Variants in PRELID2 observed in about 807,000 individuals in gnomAD.
The protein encoded by PRELID2 is PRELI domain-containing protein 2.
Under a neutral mutation model 28.4 loss-of-function variants are expected in PRELID2, and 25 were observed. The ratio of observed to expected loss-of-function variants is 0.88; its 90% confidence interval spans 0.64 to 1.23. The LOEUF (loss-of-function observed/expected upper bound fraction) is 1.23, where lower values mean the gene tolerates loss of function less well. Among genes scored for constraint, PRELID2 ranks in the 50% most tolerant of loss-of-function variants. The pLI is 0.00. For synonymous variants in PRELID2, 76 were observed against 71.6 expected (o/e 1.06, Z -0.31); for missense variants, 201 against 214.4 (o/e 0.94, Z 0.39).
At chr5:145,250,402 G>A in the PRELID2 span, among the ~76,000 whole-genome samples, 1 of 152,144 alleles carries the variant, frequency 6.6e-6, no homozygotes. Flanking sequence ...CATTCAAAAT[G>A]CAAGTGTTTG....
chr5:145,429,050 A>G, the PRELID2 span, among the ~76,000 whole-genome samples: 2 of 151,870 alleles, frequency 1.3e-5, no homozygotes, highest in Admixed American at 6.6e-5. Flanking sequence ...GAGATGAGAA[A>G]CTCCTGGGAG....
At chr5:145,615,794 T>A (rs142832612) in intron 1 of PRELID2, among the ~76,000 whole-genome samples, 2 of 152,218 alleles carry the variant, frequency 1.3e-5, no homozygotes, top group South Asian at 4.1e-4. Context: ...ATTGTTTTAA[T>A]CTTTTTGCTT....
rs140648547 is a variant in PRELID2, at chr5:145,641,963, C to T, written n.70+122968G>A. On this transcript the variant is annotated intron_variant and non_coding_transcript_variant, in intron 1 of 2. Transcript: ENST00000510259. ...AAGTCTTTGCTACTGTGAATAGTGCCGCAATATACATACGTGTGCATGTAT... is the reference window on the plus strand; with the variant it reads ...AAGTCTTTGCTACTGTGAATAGTGCTGCAATATACATACGTGTGCATGTAT... Among the ~76,000 whole-genome samples the T allele has an allele frequency of 2.4e-3, 364 of 152,154 alleles. 3 individuals are homozygous for T. The highest frequency in any genetic ancestry group is 8.3e-3 in the African/African-American group (343 of 41,484).
chr5:145,572,925 A>G (rs1223985279), intron 1 of PRELID2, among the ~76,000 whole-genome samples: 1 of 152,170 alleles, frequency 6.6e-6, no homozygotes, highest in Non-Finnish European at 1.5e-5. Flanking sequence ...CTGGCATGAG[A>G]GACCCATCTG....
chr5:145,604,748 G>GTTTTTT (rs377653737), intron 1 of PRELID2, among the ~76,000 whole-genome samples: 2 of 109,004 alleles, frequency 1.8e-5, no homozygotes, highest in African/African-American at 6.5e-5. Context: ...GTTTTTTTTG[G>GTTTTTT]TTTTTTTTTT....
At chr5:145,447,942 G>A in the PRELID2 span, among the ~76,000 whole-genome samples, 31 of 151,996 alleles carry the variant, frequency 2.0e-4, no homozygotes, top group African/African-American at 7.0e-4. Flanking sequence ...ACATGTGCAT[G>A]TGTCTTTATA....
At chr5:145,827,775 T>C (rs947144332) in intron 1 of PRELID2, among the ~76,000 whole-genome samples, 1 of 152,074 alleles carries the variant, frequency 6.6e-6, no homozygotes, top group Non-Finnish European at 1.5e-5. Flanking sequence ...GGTCCGGAAA[T>C]GCAAGGAAAG....
chr5:145,434,202 C>T, the PRELID2 span, among the ~76,000 whole-genome samples: 1 of 152,204 alleles, frequency 6.6e-6, no homozygotes, highest in Non-Finnish European at 1.5e-5. Context: ...AAACATTCCT[C>T]TTGCTTAGTT....
the PRELID2 span, among the ~76,000 whole-genome samples, chr5:145,391,715 CT>C: frequency 6.6e-6 from 1 of 150,424 alleles, no homozygotes; most frequent in African/African-American, 2.4e-5. Flanking sequence ...CATCATCAGG[CT>C]GCAGATTTTT....
chr5:145,608,730 T>C (rs748274794), intron 1 of PRELID2, among the ~76,000 whole-genome samples: 2 of 152,210 alleles, frequency 1.3e-5, no homozygotes, highest in African/African-American at 2.4e-5. Context: ...GGGATGGTCA[T>C]CTTGTATAGT....
chr5:145,780,423 T>C (rs1758713869), intron 5 of PRELID2, among the ~76,000 whole-genome samples: 2 of 152,196 alleles, frequency 1.3e-5, no homozygotes, highest in South Asian at 4.1e-4. Flanking sequence ...CCTCCTTTTA[T>C]AGATGAGGAA....
the PRELID2 span, among the ~76,000 whole-genome samples, chr5:145,413,281 G>A: frequency 1.3e-5 from 2 of 152,210 alleles, no homozygotes; most frequent in African/African-American, 4.8e-5. Context: ...TAACCAAAAT[G>A]TGATGCCACC....
At chr5:145,767,162 C>T (rs1025553570) in intron 5 of PRELID2, among the ~76,000 whole-genome samples, 1 of 136,300 alleles carries the variant, frequency 7.3e-6, no homozygotes, top group Non-Finnish European at 1.6e-5. Flanking sequence ...AAACCCCAGG[C>T]CCCACTGGTG....
intron 1 of PRELID2, among the ~76,000 whole-genome samples, chr5:145,705,448 C>T (rs1333568352): frequency 6.6e-6 from 1 of 151,880 alleles, no homozygotes; most frequent in Non-Finnish European, 1.5e-5. Flanking sequence ...GTGATTTGCC[C>T]GCCTCGCCTC....
intron 1 of PRELID2, among the ~76,000 whole-genome samples, chr5:145,651,529 T>A (rs28889604): frequency 0.061 from 9,204 of 151,492 alleles, 939 homozygotes; most frequent in African/African-American, 0.21. Context: ...CTGACAGCTC[T>A]CACGGCCAGG....
In PRELID2 at chr5:145,757,979, G is replaced by T. The variant is rs1757310828; in HGVS notation, c.*2557C>A. The stretch of plus-strand genomic sequence containing the variant: ...ATCTAAAAGTAGTCTTAGAGGAGAG[G>T]CAGAATAAAACTTACATCCAGAGTA... On this transcript the variant is annotated 3_prime_UTR_variant, in exon 7 of 7. Coordinates refer to ENST00000683046, the MANE Select transcript of PRELID2 (RefSeq NM_205846.3). 6.6e-6 allele frequency among the ~76,000 whole-genome samples: 1 copy of T among 152,132 alleles called. No homozygotes were observed. Among genetic ancestry groups the T allele is most frequent in the Non-Finnish European group, 1.5e-5 (1 of 68,012 alleles).
At chr5:145,306,825 A>C in the PRELID2 span, among the ~76,000 whole-genome samples, 1 of 152,152 alleles carries the variant, frequency 6.6e-6, no homozygotes, top group South Asian at 2.1e-4. Flanking sequence ...ATATCTACAC[A>C]TGCTTCATAA....
the PRELID2 span, among the ~76,000 whole-genome samples, chr5:145,332,679 A>G: frequency 3.3e-5 from 5 of 151,472 alleles, no homozygotes; most frequent in African/African-American, 1.2e-4. Flanking sequence ...AACCTTTTTT[A>G]AAGGTTCTTA....
In PRELID2 at chr5:145,821,389, T is replaced by C. The variant is rs578038809; in HGVS notation, c.134-1371A>G. Among the ~76,000 whole-genome samples the C allele has an allele frequency of 3.3e-5, 5 of 152,112 alleles. No homozygotes were observed. The South Asian group carries it at 6.2e-4, about 19-fold the overall frequency. ...TGTGTGTGTAAGCCCTCTTCTGTCCTGCTCATACCTGACTAGCTACCTACT... is the reference window on the plus strand; with the variant it reads ...TGTGTGTGTAAGCCCTCTTCTGTCCCGCTCATACCTGACTAGCTACCTACT... On this transcript the variant is annotated intron_variant, in intron 2 of 6. Transcript: ENST00000683046.
Sources: gnomAD v4.1 joint callset for allele counts (sites outside exome capture counted in the v4.1 genomes callset) on GRCh38, gnomAD v4.1.1 for gene constraint, MANE v1.5 for transcripts, NCBI Gene and HGNC (gene_info 2026-07-23, HGNC 2026-07-21) for gene names.